Variants in MASP2 observed in about 807,000 individuals in gnomAD.
MASP2 encodes the protein MBL associated serine protease 2.
A neutral mutation model predicts 57.1 loss-of-function variants in MASP2; 49 were observed. The observed-to-expected ratio is 0.86, with a 90% CI of 0.68 to 1.09. MASP2 has a LOEUF of 1.09. Among genes scored for constraint, MASP2 ranks in the 50% least tolerant of loss-of-function variants. The pLI is 0.00. For missense variants in MASP2, 900 were observed against 874.8 expected, an observed-to-expected ratio of 1.03 and a Z score of -0.36; for synonymous variants, 379 against 340.8, an observed-to-expected ratio of 1.11 and a Z score of -1.24.
At chr1:11,033,481 C>T (rs1297176234) in intron 8 of MASP2, among the ~76,000 whole-genome samples, 1 of 151,934 alleles carries the variant, frequency 6.6e-6, no homozygotes, top group Admixed American at 6.6e-5. Flanking sequence ...ACCATCTCTA[C>T]TAAAATACAA....
intron 4 of MASP2, among the ~76,000 whole-genome samples, chr1:11,044,079 T>C (rs1012632078): frequency 1.3e-5 from 2 of 152,070 alleles, no homozygotes; most frequent in Non-Finnish European, 2.9e-5. Flanking sequence ...AGTTTATTCA[T>C]CAGGGGTCTC....
chr1:11,031,510 CAG>C (rs1369792464), intron 8 of MASP2, among the ~76,000 whole-genome samples: 2 of 97,314 alleles, frequency 2.1e-5, no homozygotes, highest in Non-Finnish European at 3.7e-5. Flanking sequence ...GCCTGGGTGA[CAG>C]AGCAAGACTC....
At position 11,046,333 on chromosome 1, in the gene MASP2, C is replaced by A. The variant is rs577455149; in HGVS notation, c.412+223G>T. ...CGGCCAGTCCCTGCGTCACTTGAGGCGATGCTGTCCTCAGATCCCTGGCTC... is the reference window on the plus strand; with the variant it reads ...CGGCCAGTCCCTGCGTCACTTGAGGAGATGCTGTCCTCAGATCCCTGGCTC... On this transcript the variant is annotated intron_variant, in intron 3 of 10. Coordinates refer to ENST00000400897, the MANE Select transcript of MASP2 (RefSeq NM_006610.4). 1.5e-4 allele frequency: 87 copies of A among 597,458 alleles called. No individual in the cohort carries two copies. The East Asian group carries it at 2.4e-3, about 16-fold the overall frequency. The allele number at this position is 597,458 out of a possible 1,614,324, so 37.0% of individuals were successfully genotyped here. A position where few individuals can be genotyped will look rare whatever the true frequency, so the allele number is the denominator to read the frequency against.
At chr1:11,030,282 A>G (rs769593984) in intron 9 of MASP2, 32 bp from the exon 10 acceptor site, 3 of 1,478,900 alleles carry the variant, frequency 2.0e-6, no homozygotes, top group East Asian at 4.5e-5. Context: ...AAAATGTTTA[A>G]CTGCATGTAT....
chr1:11,041,024 T>C (rs1369166323), intron 6 of MASP2, among the ~76,000 whole-genome samples: 1 of 145,078 alleles, frequency 6.9e-6, no homozygotes. Flanking sequence ...GATGGGTAGA[T>C]GAATATGTGG....
intron 6 of MASP2, among the ~76,000 whole-genome samples, chr1:11,040,858 GTGGA>G (rs143927878): frequency 0.013 from 2,009 of 150,044 alleles, 46 homozygotes; most frequent in African/African-American, 0.046. Context: ...GAATGGGTGG[GTGGA>G]TGGATGGATG....
chr1:11,042,633 G>A (rs1638495803), intron 6 of MASP2, among the ~76,000 whole-genome samples: 1 of 152,010 alleles, frequency 6.6e-6, no homozygotes, highest in South Asian at 2.1e-4. Context: ...AAGGATGAGT[G>A]GATGGGTGAA....
chr1:11,028,698 T>G (rs1056158442), intron 10 of MASP2, among the ~76,000 whole-genome samples: 28 of 28,510 alleles, frequency 9.8e-4, no homozygotes, highest in South Asian at 4.1e-3. Flanking sequence ...TCTTTCTGGG[T>G]TTTTTTTCTT....
intron 4 of MASP2, chr1:11,044,815 T>G: frequency 6.5e-7 from 1 of 1,542,382 alleles, no homozygotes; most frequent in Non-Finnish European, 8.7e-7. Context: ...GGGCCAGGTT[T>G]ATTATTGGGT....
At position 11,034,858 on chromosome 1, in the gene MASP2, A is replaced by T. The variant is rs1213631418; in HGVS notation, c.1057T>A (p.Ser353Thr). 1 of 1,613,216 alleles carries T rather than the reference A, an allele frequency of 6.2e-7. No individual in the cohort carries two copies. Among genetic ancestry groups the T allele is most frequent in the Admixed American group, 1.7e-5 (1 of 59,856 alleles). Reference sequence around the variant, plus strand: ...CACGCGGGCATTGGCCGGTCCCAAGATCCATCTTTCTGACAAACTGCAGTA... The same window carrying T: ...CACGCGGGCATTGGCCGGTCCCAAGTTCCATCTTTCTGACAAACTGCAGTA... ...SFTAVCQKDG[S>T]WDRPMPACSI... The change falls in exon 8 of 11, where the codon TCT (serine) becomes ACT (threonine). Residue 353 changes from serine to threonine, a missense_variant. Transcript: ENST00000400897.
At chr1:11,041,105 A>G (rs78310434) in intron 6 of MASP2, among the ~76,000 whole-genome samples, 25,859 of 132,604 alleles carry the variant, frequency 0.2, 4,455 homozygotes, top group Middle Eastern at 0.3. Flanking sequence ...AAGGATGGAT[A>G]GATGGATGGA....
chr1:11,042,851 A>G, intron 6 of MASP2, 24 bp downstream of exon 6: 1 of 1,612,340 alleles, frequency 6.2e-7, no homozygotes, highest in South Asian at 1.1e-5. Context: ...GCTTCCAGCC[A>G]AGATCTGAGA....
chr1:11,036,510 C>CAA lies in MASP2; in HGVS notation c.1008+1181_1008+1182dup, dbSNP rs35642467. 8.1e-3 allele frequency among the ~76,000 whole-genome samples: 439 copies of CAA among 54,298 alleles called. 40 individuals are homozygous for CAA. Among genetic ancestry groups the CAA allele is most frequent in the African/African-American group, 0.023 (369 of 16,108 alleles). 35.6% of individuals were successfully genotyped at this position (54,298 alleles called of 152,430 possible). A position where few individuals can be genotyped will look rare whatever the true frequency, so the allele number is the denominator to read the frequency against. Reference sequence around the variant, plus strand: ...TGGGCGACAGAGCGAGACTCCGTCTCAAAAAAAAAAAAAAAAAAAAAAAAA... The same window carrying CAA: ...TGGGCGACAGAGCGAGACTCCGTCTCAAAAAAAAAAAAAAAAAAAAAAAAAAA... On this transcript the variant is annotated intron_variant, in intron 7 of 10. Coordinates refer to ENST00000400897, the MANE Select transcript of MASP2 (RefSeq NM_006610.4).
rs774170040 is a variant in MASP2 at position 11,043,355 on chromosome 1, G to A, written c.725C>T (p.Pro242Leu). 6 of 1,607,466 alleles carry A rather than the reference G, an allele frequency of 3.7e-6. No homozygotes were observed. In the African/African-American group the frequency reaches 6.7e-5, roughly 18 times the overall value. ...DVETHPETLCPYDFLKIQTDR... is the reference protein window; with the variant it reads ...DVETHPETLCLYDFLKIQTDR... ...GAGCCAGACCTTGAGAAAGTCGTAG[G>A]GACACAGGGTTTCAGGGTGTGTCTC... The change falls in exon 5 of 11, where the codon CCC becomes CTC. Residue 242 changes from proline to leucine, a missense_variant. By Grantham distance (98) the Pro-to-Leu change is moderately conservative. Coordinates refer to ENST00000400897, the MANE Select transcript of MASP2 (RefSeq NM_006610.4).
chr1:11,034,765 C>A, intron 8 of MASP2, 63 bp downstream of exon 8: 2 of 1,051,380 alleles, frequency 1.9e-6, no homozygotes, highest in Non-Finnish European at 2.8e-6. Flanking sequence ...ATAGAAGCAG[C>A]AACAGTAGCA....
intron 6 of MASP2, among the ~76,000 whole-genome samples, chr1:11,040,783 A>AGGAT (rs1322741263): frequency 1.3e-5 from 2 of 149,412 alleles, no homozygotes; most frequent in African/African-American, 5.0e-5. Flanking sequence ...GGGTGGATAA[A>AGGAT]GGATGGATGG....
chr1:11,034,341 T>G (rs1375176681), intron 8 of MASP2, among the ~76,000 whole-genome samples: 1 of 148,770 alleles, frequency 6.7e-6, no homozygotes, highest in Non-Finnish European at 1.5e-5. Flanking sequence ...AAGAATGCAC[T>G]GAGAGATGAG....
Position 11,030,440 on chromosome 1 carries a change from C to G in MASP2, c.1223-190G>C, listed in dbSNP as rs1399716043. The G allele has an allele frequency of 5.1e-6, 3 of 589,324 alleles. No individual in the cohort carries two copies. The Admixed American group carries it at 1.0e-4, about 20-fold the overall frequency. 36.5% of individuals were successfully genotyped at this position (589,324 alleles called of 1,614,324 possible). ...CCATGTTTGCTTGCAAAGTGGAAAC[C>G]TTTTAGATGTGTAACTTGAATATGT... On this transcript the variant is annotated intron_variant, in intron 9 of 10. Coordinates refer to ENST00000400897, the MANE Select transcript of MASP2 (RefSeq NM_006610.4).
In MASP2 at chr1:11,030,880, CA is replaced by C; in HGVS notation, c.1089del (p.Ile363MetfsTer23). ...AGATCATCAGGAGGGCCACAGTCAA[CA>C]ACTAAGAAAGAAGCATGGGAGGGAG... ...SWDRPMPACS[I>X]VDCGPPDDLP... On this transcript the variant is annotated frameshift_variant and splice_region_variant, in exon 9 of 11. Coordinates refer to ENST00000400897, the MANE Select transcript of MASP2 (RefSeq NM_006610.4). LOFTEE classifies it high-confidence loss of function. 6.2e-7 allele frequency: 1 copy of C among 1,612,120 alleles called. No homozygotes were observed. Among genetic ancestry groups the C allele is most frequent in the Non-Finnish European group, 8.5e-7 (1 of 1,179,260 alleles).
Sources: allele counts gnomAD v4.1 joint callset (sites outside exome capture counted in the v4.1 genomes callset), GRCh38; gene constraint gnomAD v4.1.1; transcripts MANE v1.5; gene names NCBI Gene and HGNC (gene_info 2026-07-23, HGNC 2026-07-21).